The following BCL2L12 variants were observed in gnomAD, a reference collection of about 807,000 sequenced individuals.
BCL2L12 encodes the protein BCL2 like 12.
BCL2L12 carries 27 observed loss-of-function variants against 25.7 expected under a neutral mutation model. The observed-to-expected ratio is 1.05, with a 90% confidence interval of 0.78 to 1.45. BCL2L12 has a LOEUF of 1.45. Ranked by LOEUF, BCL2L12 falls within the 40% of genes most tolerant of loss-of-function variation. The probability of loss-of-function intolerance (pLI) is 0.00; values close to 1 mark genes in which losing one functional copy is unlikely to be tolerated. For missense variants in BCL2L12, 302 were observed against 329.8 expected, an observed-to-expected ratio of 0.92 and a Z score of 0.65; for synonymous variants, 132 against 145.6, an observed-to-expected ratio of 0.91 and a Z score of 0.67.
chr19:49,666,906 C>CT (rs2122794453), intron 2 of BCL2L12, 107 bp downstream of exon 2: 2 of 1,523,994 alleles, frequency 1.3e-6, no homozygotes, highest in South Asian at 2.4e-5. Flanking sequence ...GCTCTATTCT[C>CT]TGTCTTTGGG....
rs2081734919 is a variant in BCL2L12, at chr19:49,666,065, C to T, written c.-11C>T. Reference sequence around the variant, plus strand: ...AGGAGGCGGCGGTGGGGCCCCGGACCAGGTCAGCGGGGTGTTGACGAGGGG... The same window carrying T: ...AGGAGGCGGCGGTGGGGCCCCGGACTAGGTCAGCGGGGTGTTGACGAGGGG... On this transcript the variant is annotated splice_region_variant and 5_prime_UTR_variant, in exon 1 of 7. Coordinates refer to ENST00000246784, the MANE Select transcript of BCL2L12 (RefSeq NM_138639.2). The T allele has an allele frequency of 6.5e-7, 1 of 1,548,550 alleles. No individual in the cohort carries two copies. Among genetic ancestry groups the T allele is most frequent in the East Asian group, 2.4e-5 (1 of 41,054 alleles).
At chr19:49,673,276 A>G (rs1258711699) in intron 6 of BCL2L12, among the ~76,000 whole-genome samples, 3 of 151,662 alleles carry the variant, frequency 2.0e-5, no homozygotes, top group African/African-American at 7.3e-5. Flanking sequence ...ACCCACTACA[A>G]CCTCATGGGG....
At chr19:49,665,829 A>T (rs567569942), upstream of BCL2L12, 8 of 1,590,572 alleles carry the variant, frequency 5.0e-6, no homozygotes, top group Non-Finnish European at 6.9e-6. Context: ...AGCCGATGGG[A>T]CGGCCCGCTG....
rs2081730735 is a variant in BCL2L12 at position 49,666,011 on chromosome 19, T to A, written c.-65T>A. The A allele has an allele frequency of 1.3e-6, 2 of 1,590,072 alleles. No homozygotes were observed. The highest frequency in any genetic ancestry group is 2.7e-5 in the African/African-American group (2 of 74,286). On this transcript the variant is annotated 5_prime_UTR_variant, in exon 1 of 7. Coordinates refer to ENST00000246784, the MANE Select transcript of BCL2L12 (RefSeq NM_138639.2). ...GTTGAACTAATAAAGTTTGTACGAG[T>A]TCAGTGGAGGAGACCGCAAGTTGAG...
At chr19:49,669,807 C>G (rs968243471) in intron 5 of BCL2L12, among the ~76,000 whole-genome samples, 2 of 152,222 alleles carry the variant, frequency 1.3e-5, no homozygotes, top group Admixed American at 1.3e-4. Flanking sequence ...GGAGGTGTGG[C>G]TTGTGGCTGT....
At chr19:49,669,159 G>A (rs756159064) in intron 5 of BCL2L12, 44 bp downstream of exon 5, 140 of 1,603,326 alleles carry the variant, frequency 8.7e-5, no homozygotes, top group Non-Finnish European at 1.1e-4. Flanking sequence ...CAGGAGTTGC[G>A]GAATGGTGGG....
upstream of BCL2L12, chr19:49,665,671 C>A (rs761849920): frequency 2.3e-5 from 25 of 1,067,190 alleles, no homozygotes; most frequent in Non-Finnish European, 3.2e-5. Flanking sequence ...CTGGAACCCA[C>A]CCCTGTCTTG....
At chr19:49,667,277 A>T in intron 3 of BCL2L12, 116 bp downstream of exon 3, 1 of 1,416,006 alleles carries the variant, frequency 7.1e-7, no homozygotes, top group Non-Finnish European at 9.6e-7. Context: ...CCTTCAGGAC[A>T]GAACCGTCCT....
chr19:49,673,134 G>A (rs1321165709), intron 6 of BCL2L12, among the ~76,000 whole-genome samples: 2 of 151,932 alleles, frequency 1.3e-5, no homozygotes, highest in Admixed American at 6.6e-5. Flanking sequence ...CCAAAGTGCT[G>A]GAATTACAGG....
In BCL2L12 at chr19:49,670,293, C is replaced by T. The variant is rs1186422355; in HGVS notation, c.507C>T (p.Phe169=). ...SDSFARLVEL[F]CSRDDSSRPS... The stretch of plus-strand genomic sequence containing the variant: ...CTTTCGCCCGCCTGGTGGAGCTGTT[C>T]TGTAGCCGGGATGACAGCTCTCGCC... Residue 169 remains phenylalanine, a synonymous_variant, in exon 6 of 7, where the codon TTC becomes TTT. Transcript: ENST00000246784. 5 of 1,610,964 alleles carry T rather than the reference C, an allele frequency of 3.1e-6. No individual in the cohort carries two copies. The highest frequency in any genetic ancestry group is 4.2e-6 in the Non-Finnish European group (5 of 1,179,406).
chr19:49,667,202 C>G, intron 3 of BCL2L12, 41 bp downstream of exon 3: 1 of 1,600,374 alleles, frequency 6.2e-7, no homozygotes, highest in Non-Finnish European at 8.5e-7. Context: ...CGGCAGAACA[C>G]GGGATAAGGT....
At chr19:49,671,007 C>T (rs150944766) in intron 6 of BCL2L12, among the ~76,000 whole-genome samples, 2,727 of 150,994 alleles carry the variant, frequency 0.018, 37 homozygotes, top group Non-Finnish European at 0.03. Context: ...AAAAAAAATA[C>T]ATAAATTAGC....
chr19:49,665,925 C>G (rs748021413), upstream of BCL2L12: 1 of 1,613,724 alleles, frequency 6.2e-7, no homozygotes, highest in Non-Finnish European at 8.5e-7. Context: ...GTGCACCCAG[C>G]GTTCCGCCCT....
At chr19:49,665,836 G>C (rs1226742962), upstream of BCL2L12, 1 of 1,596,802 alleles carries the variant, frequency 6.3e-7, no homozygotes, top group South Asian at 1.1e-5. Context: ...GGGACGGCCC[G>C]CTGGGCTGTT....
chr19:49,667,078 G>C lies in BCL2L12; in HGVS notation c.167G>C (p.Cys56Ser). ...AGCCGCCTTCGAAGATGTCTTCCCT[G>C]CTCCCTGGGGCGAGGAGCAGCCCCC... ...FLSRLRRCLP[C>S]SLGRGAAPSE... Residue 56 changes from cysteine (C) to serine (S), a missense_variant, in exon 3 of 7, where the codon TGC becomes TCC. By Grantham distance (112) the Cys-to-Ser change is moderately radical. Transcript: ENST00000246784. The C allele has an allele frequency of 6.2e-7, 1 of 1,613,960 alleles. No individual in the cohort carries two copies. The highest frequency in any genetic ancestry group is 8.5e-7 in the Non-Finnish European group (1 of 1,179,998).
In BCL2L12 at chr19:49,670,428, C is replaced by T. The variant is rs771945403; in HGVS notation, c.642C>T (p.Ala214=). 4 of 1,539,850 alleles carry T rather than the reference C, an allele frequency of 2.6e-6. No homozygotes were observed. The highest frequency in any genetic ancestry group is 2.4e-5 in the East Asian group (1 of 40,836). The part of the protein sequence containing the change: ...RRVAGLGGTL[A]GLSVEHVHSF... ...TGGCCGGGCTGGGGGGCACCCTGGC[C>T]GGACTCAGCGTGGAGCACGTGCACA... The change falls in exon 6 of 7, where the codon GCC becomes GCT. Residue 214 remains alanine, a synonymous_variant. Transcript: ENST00000246784.
chr19:49,668,977 A>G, intron 4 of BCL2L12, 40 bp downstream of exon 4: 6 of 1,613,824 alleles, frequency 3.7e-6, no homozygotes, highest in Non-Finnish European at 4.2e-6. Flanking sequence ...TGGCGGTGGG[A>G]GGATAGTCAG....
intron 5 of BCL2L12, among the ~76,000 whole-genome samples, chr19:49,669,667 A>G (rs2081911263): frequency 6.6e-6 from 1 of 151,908 alleles, no homozygotes; most frequent in Non-Finnish European, 1.5e-5. Context: ...GCCATCAGAA[A>G]CATTATCCAC....
At chr19:49,668,092 C>CTTTT (rs764611836) in intron 3 of BCL2L12, among the ~76,000 whole-genome samples, 3 of 125,386 alleles carry the variant, frequency 2.4e-5, no homozygotes, top group Admixed American at 8.1e-5. Flanking sequence ...CTCTGACATT[C>CTTTT]TTTTTTTTTT....
Sources: allele counts gnomAD v4.1 joint callset (sites outside exome capture counted in the v4.1 genomes callset), GRCh38; gene constraint gnomAD v4.1.1; transcripts MANE v1.5; gene names NCBI Gene and HGNC (gene_info 2026-07-23, HGNC 2026-07-21).